The following ASPM variants were observed in gnomAD, a reference collection of about 807,000 sequenced individuals.
The protein encoded by ASPM is assembly factor for spindle microtubules, also known as abnormal spindle-like microcephaly-associated protein.
ASPM carries 256 observed loss-of-function variants against 366.4 expected under a neutral mutation model. That is an observed-to-expected ratio of 0.70 (90% confidence interval 0.63 to 0.77). The LOEUF is 0.77. Among genes scored for constraint, ASPM ranks in the 30% least tolerant of loss-of-function variants. The pLI, the probability that ASPM is intolerant of heterozygous loss-of-function variation, is 0.00. For synonymous variants in ASPM, 1,414 were observed against 1,342.9 expected, an observed-to-expected ratio of 1.05 and a Z score of -1.16; for missense variants, 4,146 against 4,090.4, an observed-to-expected ratio of 1.01 and a Z score of -0.37.
intron 7 of ASPM, among the ~76,000 whole-genome samples, chr1:197,130,484 T>C (rs894890092): frequency 2.0e-5 from 3 of 152,186 alleles, no homozygotes; most frequent in Non-Finnish European, 4.4e-5. Flanking sequence ...TCCAAGATAA[T>C]TTGGAAAGCA....
intron 4 of ASPM, among the ~76,000 whole-genome samples, chr1:197,136,661 A>G (rs1181953523): frequency 2.0e-5 from 3 of 152,100 alleles, no homozygotes; most frequent in African/African-American, 7.2e-5. Flanking sequence ...GAGAATAGAA[A>G]CAAAACTTGT....
chr1:197,129,954 C>T lies in ASPM; in HGVS notation c.2590G>A (p.Glu864Lys), dbSNP rs1319200089. The T allele has an allele frequency of 6.2e-7, 1 of 1,613,970 alleles. No homozygotes were observed. Among genetic ancestry groups the T allele is most frequent in the South Asian group, 1.1e-5 (1 of 91,078 alleles). ...TGAGGAACAGTGGGGTGTCTATACTCAGCTGCTATATCAGGATTCCAAAGT... is the reference window on the plus strand; with the variant it reads ...TGAGGAACAGTGGGGTGTCTATACTTAGCTGCTATATCAGGATTCCAAAGT... ...RLLWNPDIAAEYRHPTVPHLY... is the reference protein window; with the variant it reads ...RLLWNPDIAAKYRHPTVPHLY... The change falls in exon 8 of 28, where the codon GAG becomes AAG. Residue 864 changes from glutamate to lysine, a missense_variant. This residue lies in a region of ASPM where 3,624 missense variants were observed against 3,591.7 expected (regional missense o/e 1.01). Coordinates refer to ENST00000367409, the MANE Select transcript of ASPM (RefSeq NM_018136.5).
chr1:197,088,139 T>A (rs1055016922), intron 26 of ASPM, 117 bp downstream of exon 26: 2 of 1,132,618 alleles, frequency 1.8e-6, no homozygotes, highest in Non-Finnish European at 2.6e-6. Context: ...AAAAGCAGGT[T>A]TGAACACACA....
intron 17 of ASPM, among the ~76,000 whole-genome samples, chr1:197,106,176 C>A (rs1415097312): frequency 1.3e-5 from 2 of 151,940 alleles, no homozygotes; most frequent in African/African-American, 4.8e-5. Flanking sequence ...CATGCACATC[C>A]CTTTTCCTGA....
chr1:197,131,400 T>C (rs1658249098), intron 7 of ASPM, among the ~76,000 whole-genome samples: 1 of 152,196 alleles, frequency 6.6e-6, no homozygotes, highest in Non-Finnish European at 1.5e-5. Flanking sequence ...CAATTACTAA[T>C]AGTATCTTTC....
chr1:197,084,240 C>G lies in ASPM; in HGVS notation c.*84G>C. 1 of 991,520 alleles carries G rather than the reference C, an allele frequency of 1.0e-6. No individual in the cohort carries two copies. The allele number at this position is 991,520 out of a possible 1,614,324, so 61.4% of individuals were successfully genotyped here. ...ACAAAGTCAGATTTTAAAAGTTGTACACGGAGAGCAAAAATCACTTTACGT... is the reference window on the plus strand; with the variant it reads ...ACAAAGTCAGATTTTAAAAGTTGTAGACGGAGAGCAAAAATCACTTTACGT... On this transcript the variant is annotated 3_prime_UTR_variant, in exon 28 of 28. Transcript: ENST00000367409.
chr1:197,100,209 A>T (rs1657107343), intron 18 of ASPM, among the ~76,000 whole-genome samples: 1 of 151,706 alleles, frequency 6.6e-6, no homozygotes. Context: ...AATGCACCAC[A>T]CATAGGGTGA....
In ASPM at chr1:197,135,099, C is replaced by T. The variant is rs1288611128; in HGVS notation, c.2170G>A (p.Glu724Lys). Residue 724 changes from glutamate (E) to lysine (K), a missense_variant, in exon 5 of 28, where the codon GAA (glutamate) becomes AAA (lysine). Glu to Lys is a moderately conservative substitution (Grantham distance 56). This residue lies in a region of ASPM where 3,624 missense variants were observed against 3,591.7 expected (regional missense o/e 1.01). Transcript: ENST00000367409. ...TAAACATTAATTTAACGTTTACCTT[C>T]AGAAATATTTGTTTTTACAGTGAAG... ...DDFTVKTNIS[E>K]VNAATLLLGI... 6 of 1,578,020 alleles carry T rather than the reference C, an allele frequency of 3.8e-6. No individual in the cohort carries two copies. Among genetic ancestry groups the T allele is most frequent in the African/African-American group, 1.4e-5 (1 of 73,994 alleles).
rs760303582 is a variant in ASPM, at chr1:197,084,379, G to A, written c.10379C>T (p.Thr3460Ile). The A allele has an allele frequency of 6.2e-7, 1 of 1,610,382 alleles. No homozygotes were observed. Among genetic ancestry groups the A allele is most frequent in the Non-Finnish European group, 8.5e-7 (1 of 1,179,168 alleles). Residue 3460 changes from threonine to isoleucine, a missense_variant, in exon 28 of 28, where the codon ACA becomes ATA. By Grantham distance (89) the Thr-to-Ile change is moderately conservative. This residue lies in a region of ASPM where 3,624 missense variants were observed against 3,591.7 expected (regional missense o/e 1.01). Transcript: ENST00000367409. ...VLRRDNMEEI[T>I]NPLQAIQMVM... ...CATTTGAATAGCTTGCAGGGGATTT[G>A]TGATTTCTTCCATGTTATCTCTTCT... is the stretch of plus-strand genomic sequence containing the variant.
In ASPM at chr1:197,124,214, TATTA is replaced by T. The variant is rs1240081512; in HGVS notation, c.3282_3285del (p.Asn1095ArgfsTer18). ...CCACTATCCCTTTTGCCTTTTTTCTTATTAATAAGATCATCAGAATGGCATGATA... is the reference window on the plus strand; with the variant it reads ...CCACTATCCCTTTTGCCTTTTTTCTTATAAGATCATCAGAATGGCATGATA... On this transcript the variant is annotated frameshift_variant, in exon 13 of 28. Coordinates refer to ENST00000367409, the MANE Select transcript of ASPM (RefSeq NM_018136.5). LOFTEE classifies it high-confidence loss of function. 2 of 1,610,892 alleles carry T rather than the reference TATTA, an allele frequency of 1.2e-6. No individual in the cohort carries two copies. Among genetic ancestry groups the T allele is most frequent in the Admixed American group, 3.3e-5 (2 of 59,990 alleles).
rs1571620097 is a variant in ASPM at position 197,129,376 on chromosome 1, A to C, written c.2630-59T>G. On this transcript the variant is annotated intron_variant, in intron 8 of 27. Coordinates refer to ENST00000367409, the MANE Select transcript of ASPM (RefSeq NM_018136.5). ...ATCTATGAAAGGTAGGTTTCATCTT[A>C]AAATATGATAATAATAATAATAAGG... 7.8e-6 allele frequency: 12 copies of C among 1,528,980 alleles called. No individual in the cohort carries two copies. In the East Asian group the frequency reaches 2.7e-4, roughly 35 times the overall value. The allele number at this position is 1,528,980 out of a possible 1,614,324, so 94.7% of individuals were successfully genotyped here.
chr1:197,146,514 C>G lies in ASPM; in HGVS notation c.-77G>C, dbSNP rs543577408. The G allele has an allele frequency of 5.9e-6, 9 of 1,526,154 alleles. No homozygotes were observed. In the African/African-American group the frequency reaches 6.8e-5, roughly 12 times the overall value. The allele number at this position is 1,526,154 out of a possible 1,614,324, so 94.5% of individuals were successfully genotyped here. On this transcript the variant is annotated 5_prime_UTR_variant, in exon 1 of 28. Coordinates refer to ENST00000367409, the MANE Select transcript of ASPM (RefSeq NM_018136.5). ...CTCCGGAGCGGGGATCCGGGACTTA[C>G]GCTGACCGCTTCCCCTCAGGGGCGG...
chr1:197,091,067 T>C, intron 22 of ASPM, 26 bp from the exon 23 acceptor site: 2 of 1,570,202 alleles, frequency 1.3e-6, no homozygotes, highest in Non-Finnish European at 1.7e-6. Flanking sequence ...AATTTTGTTT[T>C]TCATTTCTAC....
At position 197,103,354 on chromosome 1, in the gene ASPM, T is replaced by C. The variant is rs140834556; in HGVS notation, c.5897A>G (p.Gln1966Arg). ...SMWKGKTLRR[Q>R]LQRQHKCAII... The stretch of plus-strand genomic sequence containing the variant: ...AGCACATTTATGTTGCCTTTGAAGC[T>C]GTCTTCTCAGTGTTTTTCCCTTCCA... The change falls in exon 18 of 28, where the codon CAG becomes CGG. Residue 1966 changes from glutamine (Q) to arginine (R), a missense_variant. By Grantham distance (43) the Gln-to-Arg change is conservative. Transcript: ENST00000367409. 39 of 1,613,314 alleles carry C rather than the reference T, an allele frequency of 2.4e-5. No homozygotes were observed. In the African/African-American group the frequency reaches 2.9e-4, roughly 12 times the overall value.
Position 197,096,288 on chromosome 1 carries a change from TATC to T in ASPM, c.8821-127_8821-125del, listed in dbSNP as rs1243758419. The T allele has an allele frequency of 8.5e-6, 7 of 825,654 alleles. No homozygotes were observed. In the African/African-American group the frequency reaches 1.2e-4, roughly 14 times the overall value. 51.1% of individuals were successfully genotyped at this position (825,654 alleles called of 1,614,324 possible). On this transcript the variant is annotated intron_variant, in intron 18 of 27. Coordinates refer to ENST00000367409, the MANE Select transcript of ASPM (RefSeq NM_018136.5). ...CAGACAAAAATAAATTGCATAGTCA[TATC>T]ATGACTCTTTTAGACTTTGACATGT...
At chr1:197,091,372 G>A (rs574659367) in intron 22 of ASPM, among the ~76,000 whole-genome samples, 159 of 151,874 alleles carry the variant, frequency 1.0e-3, no homozygotes, top group African/African-American at 3.5e-3. Flanking sequence ...GTATGTTAAT[G>A]TATATAAACA....
At chr1:197,145,608 A>T (rs896949002) in intron 1 of ASPM, among the ~76,000 whole-genome samples, 29 of 152,212 alleles carry the variant, frequency 1.9e-4, no homozygotes, top group Admixed American at 7.2e-4. Context: ...TAGAAATTTT[A>T]AAAAAAGCTG....
In ASPM at chr1:197,101,524, A is replaced by G; in HGVS notation, c.7727T>C (p.Leu2576Pro). ...TTGTATGATTTTTGTAGCCCACTGA[A>G]GCTTTTGGTAGAAACAATACTGCCT... is the stretch of plus-strand genomic sequence containing the variant. ...MYRQYCFYQK[L>P]QWATKIIQEK... The change falls in exon 18 of 28, where the codon CTT (leucine) becomes CCT (proline). Residue 2576 changes from leucine to proline, a missense_variant. Around this residue, in one of 3 missense-constraint regions of ASPM, gnomAD observed 3,624 missense variants for 3,591.7 expected, o/e 1.01. Transcript: ENST00000367409. 1.2e-6 allele frequency: 2 copies of G among 1,609,372 alleles called. No homozygotes were observed. The highest frequency in any genetic ancestry group is 4.5e-5 in the East Asian group (2 of 44,786).
Position 197,122,046 on chromosome 1 carries a change from A to T in ASPM, c.3742-3T>A, listed in dbSNP as rs745340298. 4 of 1,607,344 alleles carry T rather than the reference A, an allele frequency of 2.5e-6. No homozygotes were observed. The highest frequency in any genetic ancestry group is 2.2e-5 in the South Asian group (2 of 90,818). ...AATGACAAATAGGTAATAACCACCTAAAAAAAACCCACAAAAGATAAAAAC... is the reference window on the plus strand; with the variant it reads ...AATGACAAATAGGTAATAACCACCTTAAAAAAACCCACAAAAGATAAAAAC... On this transcript the variant is annotated splice_region_variant and splice_polypyrimidine_tract_variant and intron_variant, in intron 15 of 27. Transcript: ENST00000367409.
Sources: allele counts gnomAD v4.1 joint callset (sites outside exome capture counted in the v4.1 genomes callset), GRCh38; gene constraint gnomAD v4.1.1; regional missense constraint gnomAD v4.1.1; transcripts MANE v1.5; gene names NCBI Gene and HGNC (gene_info 2026-07-23, HGNC 2026-07-21).